The following RSRC1 variants were observed in gnomAD, a reference collection of about 807,000 sequenced individuals.
RSRC1 encodes the protein arginine and serine rich coiled-coil 1.
A neutral mutation model predicts 49.1 loss-of-function variants in RSRC1; 39 were observed. The ratio of observed to expected loss-of-function variants is 0.79; its 90% confidence interval spans 0.61 to 1.04. The LOEUF (loss-of-function observed/expected upper bound fraction) is 1.04. Among genes scored for constraint, RSRC1 ranks in the 50% least tolerant of loss-of-function variants. The probability of loss-of-function intolerance (pLI) is 0.00; values close to 1 mark genes in which losing one functional copy is unlikely to be tolerated. For synonymous variants in RSRC1, 143 were observed against 130.8 expected (o/e 1.09, Z -0.63); for missense variants, 388 against 402.4 (o/e 0.96, Z 0.31).
chr3:158,390,385 A>G (rs1733211332), intron 6 of RSRC1, among the ~76,000 whole-genome samples: 1 of 152,196 alleles, frequency 6.6e-6, no homozygotes, highest in African/African-American at 2.4e-5. Context: ...CAATCAAGAA[A>G]GTAGGACTGA....
At chr3:158,184,201 T>C (rs1266774483) in intron 3 of RSRC1, among the ~76,000 whole-genome samples, 2 of 152,152 alleles carry the variant, frequency 1.3e-5, no homozygotes, top group African/African-American at 4.8e-5. Flanking sequence ...CCTTTGTTTC[T>C]TCTTGCCTCA....
chr3:158,215,658 GA>G (rs985605188), intron 4 of RSRC1, among the ~76,000 whole-genome samples: 2 of 151,492 alleles, frequency 1.3e-5, no homozygotes, highest in African/African-American at 4.8e-5. Context: ...TCTGTATATA[GA>G]TTTTTTTAGT....
chr3:158,514,260 G>A lies in RSRC1; in HGVS notation c.653-22832G>A, dbSNP rs559709494. 1.1e-4 allele frequency among the ~76,000 whole-genome samples: 17 copies of A among 152,192 alleles called. No homozygotes were observed. In the East Asian group the frequency reaches 2.5e-3, roughly 22 times the overall value. ...CTTTCTCTTGTGGGCATTTAGTGCTGTAAATTTCCCTCTACACACTGCTTT... is the reference window on the plus strand; with the variant it reads ...CTTTCTCTTGTGGGCATTTAGTGCTATAAATTTCCCTCTACACACTGCTTT... On this transcript the variant is annotated intron_variant, in intron 7 of 9. Transcript: ENST00000611884.
At chr3:158,309,011 A>C (rs953889958) in intron 5 of RSRC1, among the ~76,000 whole-genome samples, 10 of 151,944 alleles carry the variant, frequency 6.6e-5, no homozygotes, top group African/African-American at 1.7e-4. Context: ...AATGGTCCCC[A>C]TCATTATTCA....
At chr3:158,162,005 A>T (rs1186223696) in intron 3 of RSRC1, among the ~76,000 whole-genome samples, 2 of 152,106 alleles carry the variant, frequency 1.3e-5, no homozygotes, top group South Asian at 4.1e-4. Flanking sequence ...AATATAATGT[A>T]ATGTATTTGT....
intron 6 of RSRC1, among the ~76,000 whole-genome samples, chr3:158,456,303 G>T (rs1429700849): frequency 7.2e-6 from 1 of 139,762 alleles, no homozygotes; most frequent in African/African-American, 2.9e-5. Flanking sequence ...TGAGGATTAC[G>T]TGAGGGTTTT....
intron 4 of RSRC1, among the ~76,000 whole-genome samples, chr3:158,229,319 CATACACAG>C (rs1559952547): frequency 6.9e-6 from 1 of 145,956 alleles, no homozygotes; most frequent in African/African-American, 2.5e-5. Flanking sequence ...TGTATATAAA[CATACACAG>C]GTATATGTGT....
At chr3:158,213,124 A>C (rs980633958) in intron 4 of RSRC1, among the ~76,000 whole-genome samples, 1 of 151,910 alleles carries the variant, frequency 6.6e-6, no homozygotes, top group African/African-American at 2.4e-5. Context: ...AGATATCTCT[A>C]TGTTGGTTTA....
intron 7 of RSRC1, among the ~76,000 whole-genome samples, chr3:158,509,570 G>A (rs1443247589): frequency 1.3e-5 from 2 of 152,018 alleles, no homozygotes; most frequent in African/African-American, 4.8e-5. Context: ...GATCGCTTGA[G>A]CCCAGAGGTT....
chr3:158,348,697 G>T (rs1730701235), intron 5 of RSRC1, among the ~76,000 whole-genome samples: 1 of 151,904 alleles, frequency 6.6e-6, no homozygotes, highest in South Asian at 2.1e-4. Flanking sequence ...ATTGGACATT[G>T]TACTCAGTAG....
At chr3:158,317,495 G>T (rs954403861) in intron 5 of RSRC1, among the ~76,000 whole-genome samples, 3 of 152,152 alleles carry the variant, frequency 2.0e-5, no homozygotes, top group South Asian at 2.1e-4. Context: ...CTCCCAAAGT[G>T]CTGGTATTAC....
At chr3:158,460,902 A>G in intron 6 of RSRC1, 33 bp from the exon 7 acceptor site, 6 of 1,492,192 alleles carry the variant, frequency 4.0e-6, no homozygotes, top group Non-Finnish European at 5.5e-6. Context: ...TAGGCATAAA[A>G]TAAGTACAAA....
At chr3:158,196,927 A>G (rs1040633681) in intron 3 of RSRC1, among the ~76,000 whole-genome samples, 2 of 152,176 alleles carry the variant, frequency 1.3e-5, no homozygotes, top group African/African-American at 4.8e-5. Flanking sequence ...GGATTTTTGC[A>G]TCGATGTTCA....
rs10635870 is a variant in RSRC1 at position 158,363,269 on chromosome 3, C to CTTT, written c.583+8373_583+8375dup. On this transcript the variant is annotated intron_variant, in intron 6 of 9. Coordinates refer to ENST00000611884, the MANE Select transcript of RSRC1 (RefSeq NM_001271838.2). ...CTGACTCTCCAGCTACTTTTTTTTT[C>CTTT]TTTTTTTTTTTTTTGACATAGTCTT... Among the ~76,000 whole-genome samples the CTTT allele has an allele frequency of 3.8e-3, 532 of 141,440 alleles. 8 individuals carry two copies. Among genetic ancestry groups the CTTT allele is most frequent in the African/African-American group, 0.014 (515 of 38,138 alleles). 92.8% of individuals were successfully genotyped at this position (141,440 alleles called of 152,430 possible).
At chr3:158,535,785 A>G (rs77901347) in intron 7 of RSRC1, among the ~76,000 whole-genome samples, 1,522 of 151,610 alleles carry the variant, frequency 0.01, 17 homozygotes, top group Non-Finnish European at 0.016. Flanking sequence ...CATTAAATAA[A>G]CAAATATTCA....
chr3:158,458,521 G>T (rs1384395415), intron 6 of RSRC1, among the ~76,000 whole-genome samples: 1 of 152,156 alleles, frequency 6.6e-6, no homozygotes, highest in Admixed American at 6.5e-5. Context: ...GAATAGAAAT[G>T]ACTTTCTTGG....
rs953469 is a variant in RSRC1, at chr3:158,320,726, G to A, written c.531+22651G>A. On this transcript the variant is annotated intron_variant, in intron 5 of 9. Coordinates refer to ENST00000611884, the MANE Select transcript of RSRC1 (RefSeq NM_001271838.2). Reference sequence around the variant, plus strand: ...TAACTTCAAGAGTAGGGGACTTCCAGCTCATACAATCATCTTGCTGTTTTC... The same window carrying A: ...TAACTTCAAGAGTAGGGGACTTCCAACTCATACAATCATCTTGCTGTTTTC... Among the ~76,000 whole-genome samples the A allele has an allele frequency of 7.6e-3, 1,161 of 152,228 alleles. 20 individuals are homozygous for A. Among genetic ancestry groups the A allele is most frequent in the African/African-American group, 0.026 (1,093 of 41,538 alleles).
intron 6 of RSRC1, among the ~76,000 whole-genome samples, chr3:158,390,817 G>A (rs1733241383): frequency 6.6e-6 from 1 of 152,112 alleles, no homozygotes; most frequent in Admixed American, 6.6e-5. Context: ...TGTGCGCATT[G>A]TAATTTTGGT....
intron 4 of RSRC1, among the ~76,000 whole-genome samples, chr3:158,236,514 C>G (rs1723256240): frequency 6.6e-6 from 1 of 152,200 alleles, no homozygotes; most frequent in South Asian, 2.1e-4. Flanking sequence ...TCTGATTTCA[C>G]TTACAATAGA....
Sources: allele counts gnomAD v4.1 joint callset (sites outside exome capture counted in the v4.1 genomes callset), GRCh38; gene constraint gnomAD v4.1.1; transcripts MANE v1.5; gene names NCBI Gene and HGNC (gene_info 2026-07-23, HGNC 2026-07-21).